Variants in CPZ observed in about 807,000 individuals in gnomAD.
The protein encoded by CPZ is VEZT/CPZ fusion.
A neutral mutation model predicts 61.8 loss-of-function variants in CPZ; 103 were observed. The observed-to-expected ratio is 1.67, with a 90% CI of 1.42 to 1.96. CPZ has a LOEUF of 1.96. CPZ is among the 30% of genes most tolerant of loss of function. The pLI, the probability that CPZ is intolerant of heterozygous loss-of-function variation, is 0.00. For missense variants in CPZ, 1,461 were observed against 914.9 expected (o/e 1.60, Z -7.70); for synonymous variants, 551 against 373.7 (o/e 1.47, Z -5.47).
intron 10 of CPZ, 47 bp from the exon 11 acceptor site, chr4:8,619,215 G>A (rs912738892): frequency 1.3e-6 from 2 of 1,508,458 alleles, no homozygotes; most frequent in Non-Finnish European, 1.8e-6. Flanking sequence ...CCCCGTGGCT[G>A]GGTCTGCAGT....
At chr4:8,596,395 C>A (rs1275678138) in intron 1 of CPZ, among the ~76,000 whole-genome samples, 1 of 152,216 alleles carries the variant, frequency 6.6e-6, no homozygotes, top group Non-Finnish European at 1.5e-5. Context: ...CTAGGGCAGC[C>A]CTGGCAAACA....
At chr4:8,601,564 C>T (rs1014645687) in intron 3 of CPZ, 67 bp downstream of exon 3, 19 of 1,394,114 alleles carry the variant, frequency 1.4e-5, no homozygotes, top group Middle Eastern at 1.8e-4. Flanking sequence ...CCAAGAGCCA[C>T]ACTGGAAGGA....
intron 10 of CPZ, among the ~76,000 whole-genome samples, chr4:8,618,965 G>C (rs1461554482): frequency 6.6e-6 from 1 of 151,968 alleles, no homozygotes; most frequent in Non-Finnish European, 1.5e-5. Context: ...GTGTTACCTG[G>C]CAGAGATGTG....
intron 9 of CPZ, 80 bp downstream of exon 9, chr4:8,614,578 C>T (rs938999480): frequency 6.7e-7 from 1 of 1,484,998 alleles, no homozygotes; most frequent in Non-Finnish European, 9.1e-7. Context: ...CAGGGCAGCC[C>T]CCGTAGCCTC....
chr4:8,617,182 C>T (rs1041669560), intron 9 of CPZ, among the ~76,000 whole-genome samples: 2 of 152,214 alleles, frequency 1.3e-5, no homozygotes, highest in Non-Finnish European at 2.9e-5. Context: ...CGGGGGTCAG[C>T]CGCGGTGGGA....
At chr4:8,596,570 CTG>C (rs1245591015) in intron 1 of CPZ, among the ~76,000 whole-genome samples, 3 of 152,224 alleles carry the variant, frequency 2.0e-5, no homozygotes, top group African/African-American at 4.8e-5. Context: ...CCCCAAGACT[CTG>C]TGTGTTGAGC....
chr4:8,612,113 G>A lies in CPZ; in HGVS notation c.1314G>A (p.Leu438=), dbSNP rs1560300739. 4 of 1,607,014 alleles carry A rather than the reference G, an allele frequency of 2.5e-6. No homozygotes were observed. The highest frequency in any genetic ancestry group is 1.7e-4 in the Middle Eastern group (1 of 6,022). Residue 438 remains leucine, a synonymous_variant, in exon 8 of 11, where the codon CTG becomes CTA. Transcript: ENST00000360986. The part of the protein sequence containing the change: ...RSENRCGGNF[L]KRGSIINGAD... ...AGAATAGGTGTGGAGGCAATTTCCT[G>A]AAGAGGGGGAGCATCATCAACGGGG...
At chr4:8,596,944 A>T (rs1714223669) in intron 1 of CPZ, among the ~76,000 whole-genome samples, 1 of 152,210 alleles carries the variant, frequency 6.6e-6, no homozygotes, top group African/African-American at 2.4e-5. Context: ...CTGAGTGAAT[A>T]AACAAAGTTC....
chr4:8,617,804 C>A (rs2109349504), intron 9 of CPZ, among the ~76,000 whole-genome samples: 1 of 152,254 alleles, frequency 6.6e-6, no homozygotes, highest in East Asian at 1.9e-4. Flanking sequence ...GGTGGTTTGT[C>A]ATCAACTGTT....
chr4:8,618,010 T>G (rs1191930141), intron 9 of CPZ: 1 of 224,664 alleles, frequency 4.5e-6, no homozygotes, highest in African/African-American at 2.3e-5. Flanking sequence ...GTCCGAGCAC[T>G]GTCCTCGTCC....
At chr4:8,611,883 C>T (rs369378476) in intron 7 of CPZ, 144 bp from the exon 8 acceptor site, 4 of 1,176,808 alleles carry the variant, frequency 3.4e-6, no homozygotes, top group East Asian at 2.6e-5. Context: ...GGACACCGTT[C>T]CCCTCTCCTA....
intron 4 of CPZ, among the ~76,000 whole-genome samples, chr4:8,604,475 C>A (rs888707115): frequency 1.3e-5 from 2 of 152,132 alleles, no homozygotes; most frequent in South Asian, 2.1e-4. Context: ...ATAAAACAAA[C>A]AAGAAATTTT....
At chr4:8,596,560 C>T (rs906778137) in intron 1 of CPZ, among the ~76,000 whole-genome samples, 1 of 152,256 alleles carries the variant, frequency 6.6e-6, no homozygotes. Flanking sequence ...CCACGATATG[C>T]CCCAAGACTC....
chr4:8,600,880 G>A, intron 2 of CPZ: 1 of 1,244,014 alleles, frequency 8.0e-7, no homozygotes, highest in Non-Finnish European at 1.0e-6. Context: ...CGAGGCTCAG[G>A]GCAGCCTGCT....
Position 8,619,691 on chromosome 4 carries a change from T to A in CPZ, c.*74T>A. ...CATCCCGGGCTCCTGGCTCTTGATTTTGTCTGCCACAGACATCCCACAAAG... is the reference window on the plus strand; with the variant it reads ...CATCCCGGGCTCCTGGCTCTTGATTATGTCTGCCACAGACATCCCACAAAG... On this transcript the variant is annotated 3_prime_UTR_variant, in exon 11 of 11. Transcript: ENST00000360986. 1 of 1,192,558 alleles carries A rather than the reference T, an allele frequency of 8.4e-7. No homozygotes were observed. Among genetic ancestry groups the A allele is most frequent in the Non-Finnish European group, 1.1e-6 (1 of 884,254 alleles). 73.9% of individuals were successfully genotyped at this position (1,192,558 alleles called of 1,614,324 possible).
intron 3 of CPZ, chr4:8,602,261 A>G (rs1714636000): frequency 6.6e-6 from 1 of 152,366 alleles, no homozygotes; most frequent in Non-Finnish European, 1.5e-5. Context: ...GTCGGTGTCC[A>G]CCAGAGACCC....
intron 7 of CPZ, 33 bp from the exon 8 acceptor site, chr4:8,611,994 C>G: frequency 1.2e-6 from 2 of 1,613,334 alleles, no homozygotes; most frequent in Non-Finnish European, 1.7e-6. Context: ...TGCAGGGGAC[C>G]CTTTCCTTAT....
chr4:8,605,664 C>T (rs1175967226), intron 4 of CPZ, among the ~76,000 whole-genome samples: 2 of 131,250 alleles, frequency 1.5e-5, no homozygotes, highest in African/African-American at 6.9e-5. Context: ...GGCCAACCAC[C>T]TTCCCAGCTA....
chr4:8,615,537 G>C (rs1259385811), intron 9 of CPZ, among the ~76,000 whole-genome samples: 1 of 152,238 alleles, frequency 6.6e-6, no homozygotes, highest in African/African-American at 2.4e-5. Context: ...GCGCAGCACC[G>C]TACAGTTGGC....
Sources: gnomAD v4.1 joint callset for allele counts (sites outside exome capture counted in the v4.1 genomes callset) on GRCh38, gnomAD v4.1.1 for gene constraint, MANE v1.5 for transcripts, NCBI Gene and HGNC (gene_info 2026-07-23, HGNC 2026-07-21) for gene names.